The following HMG20B variants were observed in gnomAD, a reference collection of about 807,000 sequenced individuals.
HMG20B encodes high mobility group 20B.
In HMG20B, 24 loss-of-function variants were observed where a neutral mutation model predicts 41.6. That is an observed-to-expected ratio of 0.58 (90% CI 0.42 to 0.81). HMG20B has a LOEUF of 0.81. Ranked by LOEUF, HMG20B falls within the 30% of genes least tolerant of loss-of-function variation. The pLI is 0.00. For missense variants in HMG20B, 461 were observed against 444.0 expected (o/e 1.04, Z -0.34); for synonymous variants, 251 against 186.6 (o/e 1.34, Z -2.81).
At chr19:3,577,751 C>G (rs1350171622) in intron 8 of HMG20B, among the ~76,000 whole-genome samples, 2 of 149,262 alleles carry the variant, frequency 1.3e-5, no homozygotes, top group Non-Finnish European at 3.0e-5. Context: ...CTGTCCTCAG[C>G]GGACCCTGGA....
intron 6 of HMG20B, 119 bp from the exon 7 acceptor site, chr19:3,576,434 C>T: frequency 1.5e-6 from 2 of 1,327,270 alleles, no homozygotes; most frequent in Non-Finnish European, 2.2e-6. Context: ...ACCGTGGGAT[C>T]GCTGTTGATT....
At chr19:3,575,943 C>CAAAAAAAAAA in intron 5 of HMG20B, 1 of 288,644 alleles carries the variant, frequency 3.5e-6, no homozygotes, top group South Asian at 5.0e-5. Context: ...GACTCCGTCT[C>CAAAAAAAAAA]AAAAAAAAAA....
Position 3,573,334 on chromosome 19 carries a change from G to A in HMG20B, c.25G>A (p.Gly9Ser), listed in dbSNP as rs772422698. Reference protein sequence around the residue: MSHGPKQPGAAAAPAGGKA... With the variant: MSHGPKQPSAAAAPAGGKA... Reference sequence around the variant, plus strand: ...CATGTCCCACGGCCCCAAGCAGCCCGGCGCGGCCGCCGCGTGAGTGCACTG... The same window carrying A: ...CATGTCCCACGGCCCCAAGCAGCCCAGCGCGGCCGCCGCGTGAGTGCACTG... The change falls in exon 2 of 10, where the codon GGC (glycine) becomes AGC (serine). Residue 9 changes from glycine to serine, a missense_variant. Coordinates refer to ENST00000333651, the MANE Select transcript of HMG20B (RefSeq NM_006339.3). 6.5e-6 allele frequency: 10 copies of A among 1,534,430 alleles called. No homozygotes were observed. The highest frequency in any genetic ancestry group is 6.0e-5 in the South Asian group (5 of 83,040).
At chr19:3,574,753 C>G (rs931272853) in intron 4 of HMG20B, among the ~76,000 whole-genome samples, 167 bp downstream of exon 4, 47 of 146,764 alleles carry the variant, frequency 3.2e-4, no homozygotes, top group Admixed American at 2.8e-3. Context: ...GAGTCTTGCT[C>G]TGTTGCCCAG....
rs1568272613 is a variant in HMG20B at position 3,576,318 on chromosome 19, T to A, written c.519+11T>A. On this transcript the variant is annotated intron_variant, in intron 6 of 9. Transcript: ENST00000333651. ...CTGAATGGACACAAGGTAAGCGACC[T>A]TCTTCCTCTCAAAGCACCTGGGGGA... 1 of 717,124 alleles carries A rather than the reference T, an allele frequency of 1.4e-6. No homozygotes were observed. The allele number at this position is 717,124 out of a possible 1,614,324, so 44.4% of individuals were successfully genotyped here.
chr19:3,574,019 C>CT (rs745707163), intron 3 of HMG20B: 1 of 690,302 alleles, frequency 1.4e-6, no homozygotes, highest in Non-Finnish European at 2.6e-6. Flanking sequence ...TCTGCCCACT[C>CT]TAAGGTCCCG....
intron 8 of HMG20B, among the ~76,000 whole-genome samples, chr19:3,577,756 C>T (rs1896700498): frequency 6.7e-6 from 1 of 150,184 alleles, no homozygotes; most frequent in Non-Finnish European, 1.5e-5. Flanking sequence ...CTCAGCGGAC[C>T]CTGGACGCCC....
intron 9 of HMG20B, 125 bp from the exon 10 acceptor site, chr19:3,578,384 C>G (rs906297121): frequency 1.5e-5 from 20 of 1,363,826 alleles, no homozygotes; most frequent in Non-Finnish European, 2.0e-5. Flanking sequence ...AGGTTCAACG[C>G]CTGTCCCCCA....
At chr19:3,574,313 G>T in intron 3 of HMG20B, 70 bp from the exon 4 acceptor site, 2 of 227,748 alleles carry the variant, frequency 8.8e-6, no homozygotes, top group Non-Finnish European at 1.6e-5. Flanking sequence ...GTTAGGCCCC[G>T]CCCATGCCCC....
chr19:3,573,252 G>C, intron 1 of HMG20B, 40 bp from the exon 2 acceptor site: 1 of 1,490,538 alleles, frequency 6.7e-7, no homozygotes, highest in Non-Finnish European at 8.9e-7. Context: ...CCATCGGGCA[G>C]CCCGGGCGCT....
chr19:3,573,859 C>A (rs767185253), intron 3 of HMG20B, 59 bp downstream of exon 3: 1 of 1,439,954 alleles, frequency 6.9e-7, no homozygotes, highest in Admixed American at 1.9e-5. Context: ...GCCTCGAAGC[C>A]CCGCCCCAGG....
In HMG20B at chr19:3,578,058, G is replaced by A. The variant is rs753495373; in HGVS notation, c.886G>A (p.Ala296Thr). The change falls in exon 9 of 10, where the codon GCC (alanine) becomes ACC (threonine). Residue 296 changes from alanine (A) to threonine (T), a missense_variant. By Grantham distance (58) the Ala-to-Thr change is moderately conservative (BLOSUM62 0). Transcript: ENST00000333651. ...RLHGAIERDP[A>T]QHEKLIVRIK... is the part of the protein sequence containing the mutation. ...TCACGGAGCCATCGAGCGCGACCCC[G>A]CCCAGCACGAGAAGCTCATCGTCCG... 5.6e-6 allele frequency: 9 copies of A among 1,610,944 alleles called. No homozygotes were observed. Among genetic ancestry groups the A allele is most frequent in the South Asian group, 1.1e-5 (1 of 91,044 alleles).
At position 3,576,304 on chromosome 19, in the gene HMG20B, C is replaced by A; in HGVS notation, c.516C>A (p.His172Gln). 2.5e-6 allele frequency: 4 copies of A among 1,603,584 alleles called. No homozygotes were observed. Among genetic ancestry groups the A allele is most frequent in the Middle Eastern group, 1.7e-4 (1 of 6,054 alleles). The change falls in exon 6 of 10, where the codon CAC becomes CAA. Residue 172 changes from histidine (H) to glutamine (Q), a missense_variant. This residue lies in a region of HMG20B where 308 missense variants were observed against 283.4 expected (regional missense o/e 1.09). Coordinates refer to ENST00000333651, the MANE Select transcript of HMG20B (RefSeq NM_006339.3). Reference sequence around the variant, plus strand: ...TCATGAACACTCTCCTGAATGGACACAAGGTAAGCGACCTTCTTCCTCTCA... The same window carrying A: ...TCATGAACACTCTCCTGAATGGACAAAAGGTAAGCGACCTTCTTCCTCTCA... ...SGLMNTLLNGHKGGDCDGFST... is the reference protein window; with the variant it reads ...SGLMNTLLNGQKGGDCDGFST...
At chr19:3,576,491 C>T in intron 6 of HMG20B, 62 bp from the exon 7 acceptor site, 1 of 1,494,848 alleles carries the variant, frequency 6.7e-7, no homozygotes, top group Non-Finnish European at 9.3e-7. Flanking sequence ...GCTTGGGGCA[C>T]ACCCAGAGAG....
intron 4 of HMG20B, 100 bp downstream of exon 4, chr19:3,574,686 T>G: frequency 8.7e-7 from 1 of 1,142,884 alleles, no homozygotes; most frequent in Non-Finnish European, 1.2e-6. Context: ...TTTTTCCTTC[T>G]TCCTGGAGAA....
chr19:3,573,519 A>T, intron 2 of HMG20B, 172 bp downstream of exon 2: 1 of 894,434 alleles, frequency 1.1e-6, no homozygotes. Context: ...AGTCCCTCCC[A>T]GGAGCCCCGC....
chr19:3,573,257 G>A, intron 1 of HMG20B, 35 bp from the exon 2 acceptor site: 2 of 1,499,792 alleles, frequency 1.3e-6, no homozygotes, highest in East Asian at 2.7e-5. Flanking sequence ...GGGCAGCCCG[G>A]GCGCTACTCA....
intron 3 of HMG20B, chr19:3,574,165 C>A (rs2032104669): frequency 1.6e-6 from 1 of 610,898 alleles, no homozygotes; most frequent in Non-Finnish European, 2.9e-6. Flanking sequence ...AACCTCGGCC[C>A]ATAGTTCCTC....
intron 4 of HMG20B, 130 bp downstream of exon 4, chr19:3,574,716 T>A: frequency 5.5e-5 from 6 of 109,566 alleles, no homozygotes; most frequent in Non-Finnish European, 1.0e-4. Flanking sequence ...CATAACCAAC[T>A]TTTTTTTTTT....
Sources: allele counts gnomAD v4.1 joint callset (sites outside exome capture counted in the v4.1 genomes callset), GRCh38; gene constraint gnomAD v4.1.1; regional missense constraint gnomAD v4.1.1; transcripts MANE v1.5; gene names NCBI Gene and HGNC (gene_info 2026-07-23, HGNC 2026-07-21).